The following COL4A2 variants were observed in gnomAD, a reference collection of about 807,000 sequenced individuals.
The protein encoded by COL4A2 is collagen alpha-2(IV) chain.
Under a neutral mutation model 200.2 loss-of-function variants are expected in COL4A2, and 99 were observed. That is an observed-to-expected ratio of 0.49 (90% CI 0.42 to 0.58). The LOEUF is 0.58. COL4A2 is among the 20% of genes least tolerant of loss of function. The pLI, the probability that COL4A2 is intolerant of heterozygous loss-of-function variation, is 0.00. For missense variants in COL4A2, 1,950 were observed against 2,314.1 expected, an observed-to-expected ratio of 0.84 and a Z score of 3.23; for synonymous variants, 897 against 900.6, an observed-to-expected ratio of 1.00 and a Z score of 0.07.
At chr13:110,392,007 TTC>T (rs1879001626) in intron 4 of COL4A2, among the ~76,000 whole-genome samples, 1 of 152,158 alleles carries the variant, frequency 6.6e-6, no homozygotes, top group Admixed American at 6.5e-5. Context: ...GCCCCACACA[TTC>T]TGTTTGCTCC....
At chr13:110,476,111 C>T (rs984249940) in intron 29 of COL4A2, among the ~76,000 whole-genome samples, 13 of 152,262 alleles carry the variant, frequency 8.5e-5, no homozygotes, top group Admixed American at 5.9e-4. Context: ...CTGCTCAGCC[C>T]CCAAGTTCCC....
At chr13:110,392,564 A>G (rs1879028360) in intron 4 of COL4A2, among the ~76,000 whole-genome samples, 1 of 152,062 alleles carries the variant, frequency 6.6e-6, no homozygotes, top group African/African-American at 2.4e-5. Flanking sequence ...TGAATTGTTC[A>G]CCCAAAAATG....
intron 3 of COL4A2, among the ~76,000 whole-genome samples, chr13:110,355,820 TGCACTAGCTCACCTGTGTGTGGGGG>T (rs1199091101): frequency 7.5e-5 from 1 of 13,420 alleles, no homozygotes; most frequent in East Asian, 9.0e-4. Flanking sequence ...TGGGGAGGGC[TGCACTAGCTCACCTGTGTGTGGGGG>T]GGAGGGCTGT....
At chr13:110,373,254 T>C (rs1218089462) in intron 4 of COL4A2, among the ~76,000 whole-genome samples, 1 of 152,234 alleles carries the variant, frequency 6.6e-6, no homozygotes, top group Non-Finnish European at 1.5e-5. Flanking sequence ...ACCAACTGTG[T>C]TGTGAACGCA....
Position 110,495,338 on chromosome 13 carries a change from A to G in COL4A2, c.3635-4A>G. On this transcript the variant is annotated splice_polypyrimidine_tract_variant and splice_region_variant and intron_variant, in intron 39 of 47. Coordinates refer to ENST00000360467, the MANE Select transcript of COL4A2 (RefSeq NM_001846.4). Reference sequence around the variant, plus strand: ...CATCAGCTGCTGTTATAACTCTTCCACAGGTTCTGACATCCACGGAGACCC... The same window carrying G: ...CATCAGCTGCTGTTATAACTCTTCCGCAGGTTCTGACATCCACGGAGACCC... The G allele has an allele frequency of 1.9e-6, 3 of 1,614,098 alleles. No homozygotes were observed. Among genetic ancestry groups the G allele is most frequent in the Non-Finnish European group, 2.5e-6 (3 of 1,180,000 alleles).
At chr13:110,511,904 TA>T in intron 47 of COL4A2, 29 bp from the exon 48 acceptor site, 9 of 1,612,842 alleles carry the variant, frequency 5.6e-6, no homozygotes, top group Non-Finnish European at 6.8e-6. Context: ...CTGTGATTCC[TA>T]ACCCTGTCCT....
intron 4 of COL4A2, among the ~76,000 whole-genome samples, chr13:110,409,444 G>C (rs1879745541): frequency 6.6e-6 from 1 of 152,256 alleles, no homozygotes; most frequent in Non-Finnish European, 1.5e-5. Context: ...GTGCATCTTT[G>C]GTGTCTGCGC....
At chr13:110,397,167 A>T (rs1168432696) in intron 4 of COL4A2, among the ~76,000 whole-genome samples, 1 of 152,226 alleles carries the variant, frequency 6.6e-6, no homozygotes, top group Non-Finnish European at 1.5e-5. Context: ...CCGACTGTTT[A>T]TCCGCCCCCA....
chr13:110,368,203 G>A (rs1877837155), intron 4 of COL4A2, among the ~76,000 whole-genome samples: 1 of 152,188 alleles, frequency 6.6e-6, no homozygotes, highest in Admixed American at 6.5e-5. Flanking sequence ...GGACTCCAGG[G>A]AGAGAAATTG....
At chr13:110,457,459 G>C in intron 21 of COL4A2, 24 bp downstream of exon 21, 1 of 1,357,628 alleles carries the variant, frequency 7.4e-7, no homozygotes, top group Non-Finnish European at 1.1e-6. Flanking sequence ...GGAGGGACGG[G>C]ATGAGGACAG....
At chr13:110,465,872 C>A in intron 25 of COL4A2, 131 bp from the exon 26 acceptor site, 1 of 1,133,456 alleles carries the variant, frequency 8.8e-7, no homozygotes, top group Non-Finnish European at 1.3e-6. Flanking sequence ...GTTCCCTGCC[C>A]ATTTCAAAGC....
intron 4 of COL4A2, among the ~76,000 whole-genome samples, chr13:110,403,025 TCTGGCCCCAGGGTC>T (rs1262697984): frequency 2.0e-5 from 3 of 152,194 alleles, no homozygotes; most frequent in Non-Finnish European, 2.9e-5. Context: ...TTGAAATTGT[TCTGGCCCCAGGGTC>T]CTGGCATTCT....
chr13:110,461,530 T>G (rs9521785), intron 22 of COL4A2, among the ~76,000 whole-genome samples: 87,833 of 152,030 alleles, frequency 0.58, 26,212 homozygotes, highest in Middle Eastern at 0.73. Context: ...ATTTATTTAT[T>G]TATTTTTGGA....
chr13:110,347,182 G>C (rs184784851), intron 3 of COL4A2, among the ~76,000 whole-genome samples: 3 of 152,308 alleles, frequency 2.0e-5, no homozygotes, highest in African/African-American at 7.2e-5. Context: ...CCTGAAACCA[G>C]GCCCACCCAT....
chr13:110,406,633 CT>C lies in COL4A2; in HGVS notation c.181-18091del, dbSNP rs11378330. Among the ~76,000 whole-genome samples, 439 of 149,722 alleles carry C rather than the reference CT, an allele frequency of 2.9e-3. 1 individual carries two copies. The highest frequency in any genetic ancestry group is 0.01 in the African/African-American group (418 of 40,836). ...AGTACCTGGTTTTTTTAGTGGGACT[CT>C]TTTTTTTTTCTTGGTAATTTATACA... is the stretch of plus-strand genomic sequence containing the variant. On this transcript the variant is annotated intron_variant, in intron 4 of 47. Transcript: ENST00000360467.
Position 110,508,020 on chromosome 13 carries a change from G to A in COL4A2, c.4680G>A (p.Arg1560=). 1 of 1,614,220 alleles carries A rather than the reference G, an allele frequency of 6.2e-7. No individual in the cohort carries two copies. The highest frequency in any genetic ancestry group is 1.1e-5 in the South Asian group (1 of 91,092). Residue 1560 remains arginine, a synonymous_variant, in exon 47 of 48, where the codon CGG becomes CGA. Coordinates refer to ENST00000360467, the MANE Select transcript of COL4A2 (RefSeq NM_001846.4). This position sits in a 1 kb window ranked among gnomAD's most constrained non-coding sequence, Gnocchi z 6.1. ...GTGATGTCTGCTACTATGCCAGCCG[G>A]AACGACAAGTCCTACTGGCTCTCTA... ...NPGDVCYYAS[R]NDKSYWLSTT... is the part of the protein sequence containing the mutation.
chr13:110,508,239 A>G lies in COL4A2; in HGVS notation c.4881+18A>G, dbSNP rs1883957854. The stretch of plus-strand genomic sequence containing the variant: ...TCCTCATGGTATGTGGTATTTGCCC[A>G]GTTCCCCTCCCCAACCACACCCTGC... On this transcript the variant is annotated intron_variant, in intron 47 of 47. Transcript: ENST00000360467. The surrounding 1 kb of genome is among the most constrained non-coding windows in gnomAD (Gnocchi z 6.1). The G allele has an allele frequency of 6.2e-7, 1 of 1,609,556 alleles. No homozygotes were observed. Among genetic ancestry groups the G allele is most frequent in the Admixed American group, 1.7e-5 (1 of 59,932 alleles).
intron 4 of COL4A2, among the ~76,000 whole-genome samples, chr13:110,364,413 G>A (rs1877653702): frequency 6.6e-6 from 1 of 152,172 alleles, no homozygotes; most frequent in African/African-American, 2.4e-5. Context: ...GTGTTATAGT[G>A]GTTCTTTTGA....
chr13:110,354,249 A>G (rs1385255138), intron 3 of COL4A2, among the ~76,000 whole-genome samples: 1 of 152,216 alleles, frequency 6.6e-6, no homozygotes, highest in Non-Finnish European at 1.5e-5. Flanking sequence ...TATTGGGTCA[A>G]CTGAGGACCT....
Sources: allele counts gnomAD v4.1 joint callset (sites outside exome capture counted in the v4.1 genomes callset), GRCh38; gene constraint gnomAD v4.1.1; non-coding constraint Gnocchi (gnomAD v3.1); transcripts MANE v1.5; gene names NCBI Gene and HGNC (gene_info 2026-07-23, HGNC 2026-07-21).